RALYL: variants seen among roughly 807,000 people sequenced by gnomAD.
The protein encoded by RALYL is RALY RNA binding protein like.
A neutral mutation model predicts 35.1 loss-of-function variants in RALYL; 29 were observed. The ratio of observed to expected loss-of-function variants is 0.83; its 90% CI spans 0.61 to 1.13. The LOEUF (loss-of-function observed/expected upper bound fraction) is 1.13. Ranked by LOEUF, RALYL falls within the 50% of genes most tolerant of loss-of-function variation. The pLI, the probability that RALYL is intolerant of heterozygous loss-of-function variation, is 0.00. For synonymous variants in RALYL, 120 were observed against 127.6 expected (o/e 0.94, Z 0.40); for missense variants, 359 against 360.4 (o/e 1.00, Z 0.03).
intron 2 of RALYL, among the ~76,000 whole-genome samples, chr8:84,733,046 G>A (rs1846540384): frequency 6.6e-6 from 1 of 151,974 alleles, no homozygotes; most frequent in Admixed American, 6.6e-5. Context: ...GTCCTCTTGT[G>A]GCCCAGAGTC....
chr8:84,427,622 T>A (rs994285537), intron 1 of RALYL, among the ~76,000 whole-genome samples: 3 of 152,182 alleles, frequency 2.0e-5, no homozygotes, highest in Non-Finnish European at 2.9e-5. Context: ...CTTAGCCATA[T>A]GTATTACTCA....
rs527326749 is a variant in RALYL at position 84,300,261 on chromosome 8, T to C, written c.-24+115837T>C. On this transcript the variant is annotated intron_variant, in intron 1 of 8. Transcript: ENST00000521268. ...ATTGTATGGTTTTAAGCAATCTTCA[T>C]AGTACTGACTTCTATTTTTGTTGCA... Among the ~76,000 whole-genome samples the C allele has an allele frequency of 9.9e-5, 15 of 152,194 alleles. No homozygotes were observed. In the South Asian group the frequency reaches 2.9e-3, roughly 29 times the overall value.
At chr8:84,905,073 G>C (rs1219718118) in intron 8 of RALYL, among the ~76,000 whole-genome samples, 1 of 152,032 alleles carries the variant, frequency 6.6e-6, no homozygotes, top group Non-Finnish European at 1.5e-5. Flanking sequence ...GAAACTTTAT[G>C]CCCACTTATT....
chr8:84,861,714 GGA>G (rs1177821345), intron 5 of RALYL, among the ~76,000 whole-genome samples: 1 of 152,166 alleles, frequency 6.6e-6, no homozygotes, highest in East Asian at 1.9e-4. Flanking sequence ...TGCAATCAGA[GGA>G]GACTTTGTTA....
intron 2 of RALYL, among the ~76,000 whole-genome samples, chr8:84,768,815 A>G (rs1814727365): frequency 6.6e-6 from 1 of 152,228 alleles, no homozygotes; most frequent in Admixed American, 6.5e-5. Flanking sequence ...GTTTCATTGT[A>G]TATAAGTGGC....
At chr8:84,473,443 T>A (rs2053032704) in intron 1 of RALYL, among the ~76,000 whole-genome samples, 1 of 151,852 alleles carries the variant, frequency 6.6e-6, no homozygotes, top group Admixed American at 6.6e-5. Flanking sequence ...TGAAAGTGAA[T>A]TCATGTAATT....
At chr8:84,811,134 T>C (rs887353897) in intron 4 of RALYL, among the ~76,000 whole-genome samples, 5 of 152,050 alleles carry the variant, frequency 3.3e-5, no homozygotes, top group Admixed American at 6.6e-5. Flanking sequence ...TTTAAAGAGG[T>C]TCTGTTTTGA....
chr8:84,197,157 A>G (rs569755806), intron 1 of RALYL, among the ~76,000 whole-genome samples: 2 of 152,324 alleles, frequency 1.3e-5, no homozygotes, highest in African/African-American at 4.8e-5. Context: ...CCAATTGAAT[A>G]CCAACTTAGT....
At chr8:84,755,906 T>G (rs1186617265) in intron 2 of RALYL, among the ~76,000 whole-genome samples, 1 of 152,052 alleles carries the variant, frequency 6.6e-6, no homozygotes, top group Non-Finnish European at 1.5e-5. Flanking sequence ...CCAAGTGTTC[T>G]TGACATTTGA....
At chr8:84,611,933 G>A (rs935763521) in intron 2 of RALYL, among the ~76,000 whole-genome samples, 3 of 151,964 alleles carry the variant, frequency 2.0e-5, no homozygotes, top group African/African-American at 7.2e-5. Context: ...ATTTGTGGAT[G>A]TGAACATTTT....
chr8:84,516,753 T>A (rs923567388), intron 1 of RALYL, among the ~76,000 whole-genome samples: 5 of 152,142 alleles, frequency 3.3e-5, no homozygotes, highest in African/African-American at 1.2e-4. Flanking sequence ...TCAGGGTGGA[T>A]CTCTCTTCAG....
intron 2 of RALYL, chr8:84,706,017 T>C (rs1249081928): frequency 6.5e-7 from 1 of 1,535,260 alleles, no homozygotes; most frequent in Admixed American, 2.0e-5. Context: ...GTCTAATTTT[T>C]TTCAAAATGA....
chr8:84,882,271 C>A (rs1326430646), intron 7 of RALYL, among the ~76,000 whole-genome samples: 1 of 151,948 alleles, frequency 6.6e-6, no homozygotes, highest in Non-Finnish European at 1.5e-5. Context: ...CTTAAAGAAG[C>A]CAACAGACAC....
chr8:84,728,991 G>GT (rs1278496418), intron 2 of RALYL, among the ~76,000 whole-genome samples: 2 of 152,126 alleles, frequency 1.3e-5, no homozygotes, highest in Admixed American at 6.6e-5. Context: ...CTTGAAAGTA[G>GT]TTTTTTCCAA....
intron 1 of RALYL, among the ~76,000 whole-genome samples, chr8:84,523,301 A>C (rs1397500935): frequency 1.3e-5 from 2 of 151,964 alleles, no homozygotes; most frequent in African/African-American, 4.8e-5. Context: ...ATCAGCTCTC[A>C]TGAGACTTAT....
chr8:84,337,140 C>A lies in RALYL; in HGVS notation c.-24+152716C>A, dbSNP rs1467867161. On this transcript the variant is annotated intron_variant, in intron 1 of 8. Transcript: ENST00000521268. ...TTTTTACTTGAAGCCTACATCACAG[C>A]ATTACAATGGAAAGCTAGACTGTTA... Among the ~76,000 whole-genome samples, 3 of 151,452 alleles carry A rather than the reference C, an allele frequency of 2.0e-5. No individual in the cohort carries two copies. In the South Asian group the frequency reaches 6.3e-4, roughly 32 times the overall value.
At chr8:84,588,629 CT>C (rs1294306526) in intron 2 of RALYL, among the ~76,000 whole-genome samples, 1 of 152,158 alleles carries the variant, frequency 6.6e-6, no homozygotes, top group African/African-American at 2.4e-5. Context: ...GTACATAAGA[CT>C]TTTGATGTCT....
intron 1 of RALYL, among the ~76,000 whole-genome samples, chr8:84,341,035 G>T (rs1336683761): frequency 6.6e-6 from 1 of 151,822 alleles, no homozygotes; most frequent in Non-Finnish European, 1.5e-5. Context: ...TCTCATTGTG[G>T]TTTTGATTTA....
At chr8:84,285,741 G>A (rs1370973234) in intron 1 of RALYL, among the ~76,000 whole-genome samples, 1 of 151,856 alleles carries the variant, frequency 6.6e-6, no homozygotes, top group Non-Finnish European at 1.5e-5. Context: ...TAGAAAGGAG[G>A]TTGGTGTAAC....
Sources: gnomAD v4.1 joint callset for allele counts (sites outside exome capture counted in the v4.1 genomes callset) on GRCh38, gnomAD v4.1.1 for gene constraint, MANE v1.5 for transcripts, NCBI Gene and HGNC (gene_info 2026-07-23, HGNC 2026-07-21) for gene names.